Variants in CHST8 observed in about 807,000 individuals in gnomAD.
CHST8 encodes the protein GALNAC-4-ST1.
Under a neutral mutation model 15.0 loss-of-function variants are expected in CHST8, and 10 were observed. The ratio of observed to expected loss-of-function variants is 0.67; its 90% CI spans 0.41 to 1.13. The LOEUF (loss-of-function observed/expected upper bound fraction) is 1.13, where lower values mean the gene tolerates loss of function less well. Among genes scored for constraint, CHST8 ranks in the 50% most tolerant of loss-of-function variants. The pLI, the probability that CHST8 is intolerant of heterozygous loss-of-function variation, is 0.00. For synonymous variants in CHST8, 259 were observed against 256.6 expected (o/e 1.01, Z -0.09); for missense variants, 634 against 608.2 (o/e 1.04, Z -0.45).
In CHST8 at chr19:33,687,851, C is replaced by T. The variant is rs376159495; in HGVS notation, c.-86-1325C>T. Among the ~76,000 whole-genome samples the T allele has an allele frequency of 3.9e-5, 6 of 152,198 alleles. No homozygotes were observed. In the East Asian group the frequency reaches 5.8e-4, roughly 15 times the overall value. On this transcript the variant is annotated intron_variant, in intron 2 of 4. Coordinates refer to ENST00000650847, the MANE Select transcript of CHST8 (RefSeq NM_001127895.2). ...GGGTCCGTGTTGGGGAGGAGTCACC[C>T]GGCTGAAGTATTGTCCCTGGGCAGG... is the stretch of plus-strand genomic sequence containing the variant.
At chr19:33,652,561 A>G (rs1972463194) in intron 1 of CHST8, among the ~76,000 whole-genome samples, 1 of 151,656 alleles carries the variant, frequency 6.6e-6, no homozygotes, top group Non-Finnish European at 1.5e-5. Flanking sequence ...TCTTTATTAG[A>G]GATGAGTTTT....
At chr19:33,692,434 G>A (rs761402643) in intron 3 of CHST8, among the ~76,000 whole-genome samples, 1 of 152,110 alleles carries the variant, frequency 6.6e-6, no homozygotes, top group African/African-American at 2.4e-5. Context: ...GTGGTGGCAC[G>A]TGCCTGTAAT....
chr19:33,705,006 G>A (rs1269974910), intron 3 of CHST8, among the ~76,000 whole-genome samples: 2 of 151,916 alleles, frequency 1.3e-5, no homozygotes, highest in Non-Finnish European at 2.9e-5. Flanking sequence ...GTTTTTTAAC[G>A]TTAGATAATA....
intron 1 of CHST8, among the ~76,000 whole-genome samples, chr19:33,631,619 C>T (rs1297654249): frequency 6.6e-6 from 1 of 152,184 alleles, no homozygotes; most frequent in African/African-American, 2.4e-5. Context: ...GATTTGGGGC[C>T]TCATGAGGTT....
intron 3 of CHST8, among the ~76,000 whole-genome samples, chr19:33,721,494 G>C (rs1370508812): frequency 2.0e-5 from 3 of 152,180 alleles, no homozygotes; most frequent in Non-Finnish European, 4.4e-5. Flanking sequence ...TGGATGGTGA[G>C]TGGGAAGATG....
At chr19:33,727,380 G>C (rs979107734) in intron 3 of CHST8, among the ~76,000 whole-genome samples, 2 of 152,120 alleles carry the variant, frequency 1.3e-5, no homozygotes, top group East Asian at 3.9e-4. Context: ...GTGTGAACCC[G>C]TGTCTGTGTG....
At chr19:33,654,430 A>T (rs1568316331) in intron 1 of CHST8, among the ~76,000 whole-genome samples, 1 of 152,114 alleles carries the variant, frequency 6.6e-6, no homozygotes. Context: ...CTAGGGAAGC[A>T]AAAATTATCC....
intron 3 of CHST8, among the ~76,000 whole-genome samples, chr19:33,743,446 C>T (rs1054856120): frequency 5.3e-5 from 8 of 152,062 alleles, no homozygotes; most frequent in Admixed American, 1.3e-4. Context: ...GGACTACAGG[C>T]GCCCACCACC....
At chr19:33,697,720 C>G (rs1252872802) in intron 3 of CHST8, among the ~76,000 whole-genome samples, 2 of 152,122 alleles carry the variant, frequency 1.3e-5, no homozygotes, top group African/African-American at 4.8e-5. Context: ...CTTGGGGTAC[C>G]CAGTATTGTT....
Position 33,699,041 on chromosome 19 carries a change from C to A in CHST8, c.130+9650C>A, listed in dbSNP as rs1973278954. 2.0e-5 allele frequency among the ~76,000 whole-genome samples: 3 copies of A among 152,154 alleles called. No individual in the cohort carries two copies. In the South Asian group the frequency reaches 6.2e-4, roughly 32 times the overall value. ...GGAAACCAGTATCCTGGAAGCTGTC[C>A]CTGCTCCCCGTTGGGCTGGATGCCA... On this transcript the variant is annotated intron_variant, in intron 3 of 4. Transcript: ENST00000650847.
In CHST8 at chr19:33,679,117, T is replaced by C. The variant is rs1568324346; in HGVS notation, c.-86-10059T>C. Among the ~76,000 whole-genome samples, 6 of 152,238 alleles carry C rather than the reference T, an allele frequency of 3.9e-5. No homozygotes were observed. The South Asian group carries it at 1.2e-3, about 32-fold the overall frequency. On this transcript the variant is annotated intron_variant, in intron 2 of 4. Coordinates refer to ENST00000650847, the MANE Select transcript of CHST8 (RefSeq NM_001127895.2). The stretch of plus-strand genomic sequence containing the variant: ...AGAAGTCTATGGACTGCCTTGTGTG[T>C]CTGCACCCTGCCAGGGGCCAGGGCA...
intron 3 of CHST8, among the ~76,000 whole-genome samples, chr19:33,754,625 C>G (rs966997623): frequency 7.2e-5 from 11 of 152,220 alleles, no homozygotes; most frequent in African/African-American, 2.7e-4. Context: ...GTCCAGGGTG[C>G]TGTGTGGCAG....
chr19:33,703,296 GTGGGGTCCC>G, intron 3 of CHST8, among the ~76,000 whole-genome samples: 1 of 152,332 alleles, frequency 6.6e-6, no homozygotes, highest in Non-Finnish European at 1.5e-5. Flanking sequence ...GAAGGGCCCG[GTGGGGTCCC>G]ACCGTGTGCC....
rs71181381 is a variant in CHST8 at position 33,765,070 on chromosome 19, A to ATATATATATATG, written c.131-6340_131-6339insATATATATGTAT. 1.6e-3 allele frequency among the ~76,000 whole-genome samples: 183 copies of ATATATATATATG among 113,204 alleles called. 20 individuals are homozygous for ATATATATATATG. Among genetic ancestry groups the ATATATATATATG allele is most frequent in the African/African-American group, 6.8e-3 (162 of 23,836 alleles). The allele number at this position is 113,204 out of a possible 152,430, so 74.3% of individuals were successfully genotyped here. ...TATTCCATCATATATATATATATAT[A>ATATATATATATG]TATCAGAGTTTCTTTATCCACTCGT... On this transcript the variant is annotated intron_variant, in intron 3 of 4. Coordinates refer to ENST00000650847, the MANE Select transcript of CHST8 (RefSeq NM_001127895.2).
At chr19:33,724,506 C>A (rs1973857957) in intron 3 of CHST8, among the ~76,000 whole-genome samples, 1 of 152,232 alleles carries the variant, frequency 6.6e-6, no homozygotes, top group African/African-American at 2.4e-5. Context: ...TCTTCCCAGG[C>A]TCCATGAATA....
chr19:33,656,322 T>G (rs1972509879), intron 1 of CHST8, among the ~76,000 whole-genome samples: 1 of 152,194 alleles, frequency 6.6e-6, no homozygotes, highest in Non-Finnish European at 1.5e-5. Flanking sequence ...AACCCATTGC[T>G]TATTAAACTG....
At chr19:33,630,164 C>T (rs972302964) in intron 1 of CHST8, among the ~76,000 whole-genome samples, 1 of 152,214 alleles carries the variant, frequency 6.6e-6, no homozygotes, top group Non-Finnish European at 1.5e-5. Flanking sequence ...TGTGCCGCAT[C>T]CAGGCACCCA....
In CHST8 at chr19:33,672,058, C is replaced by T. The variant is rs536647226; in HGVS notation, c.-87+4215C>T. 5.9e-5 allele frequency among the ~76,000 whole-genome samples: 9 copies of T among 151,890 alleles called. No individual in the cohort carries two copies. In the East Asian group the frequency reaches 1.2e-3, roughly 20 times the overall value. ...ATATATATGTGTGTGCATATATATA[C>T]ACATAAATATATTCTGCATATCTGA... On this transcript the variant is annotated intron_variant, in intron 2 of 4. Transcript: ENST00000650847.
intron 1 of CHST8, among the ~76,000 whole-genome samples, chr19:33,656,202 G>A (rs963372526): frequency 6.6e-6 from 1 of 151,850 alleles, no homozygotes; most frequent in Non-Finnish European, 1.5e-5. Flanking sequence ...AGATAGTAAT[G>A]TATCCCATAC....
Sources: allele counts gnomAD v4.1 joint callset (sites outside exome capture counted in the v4.1 genomes callset), GRCh38; gene constraint gnomAD v4.1.1; transcripts MANE v1.5; gene names NCBI Gene and HGNC (gene_info 2026-07-23, HGNC 2026-07-21).